The following TENM4 variants were observed in gnomAD, a reference collection of about 807,000 sequenced individuals.
The protein encoded by TENM4 is teneurin-4.
A neutral mutation model predicts 243.3 loss-of-function variants in TENM4; 82 were observed. That is an observed-to-expected ratio of 0.34 (90% CI 0.28 to 0.40). TENM4 has a LOEUF of 0.40. Among genes scored for constraint, TENM4 ranks in the 10% least tolerant of loss-of-function variants. TENM4 has a pLI of 1.00. For missense variants in TENM4, 3,138 were observed against 3,673.3 expected (o/e 0.85, Z 3.77); for synonymous variants, 1,412 against 1,456.3 (o/e 0.97, Z 0.69).
At chr11:78,803,703 C>T (rs757396074) in intron 15 of TENM4, among the ~76,000 whole-genome samples, 13 of 152,186 alleles carry the variant, frequency 8.5e-5, no homozygotes, top group Non-Finnish European at 1.2e-4. Flanking sequence ...CAAAGTTATA[C>T]GTACCTCCTC....
At chr11:79,108,713 A>G (rs1005810995) in intron 4 of TENM4, among the ~76,000 whole-genome samples, 1 of 152,182 alleles carries the variant, frequency 6.6e-6, no homozygotes, top group Non-Finnish European at 1.5e-5. Context: ...TTGAAAAAAG[A>G]TAAAAATATT....
At chr11:78,786,794 C>T in intron 16 of TENM4, 104 bp downstream of exon 16, 1 of 1,466,950 alleles carries the variant, frequency 6.8e-7, no homozygotes. Context: ...CTTTCTTCCC[C>T]ATCCCCACAT....
intron 2 of TENM4, among the ~76,000 whole-genome samples, chr11:79,293,521 G>GA (rs11337863): frequency 6.7e-4 from 96 of 144,070 alleles, no homozygotes; most frequent in African/African-American, 2.2e-3. Flanking sequence ...AAAAAAAAAA[G>GA]AAAAAAAAAA....
intron 1 of TENM4, among the ~76,000 whole-genome samples, chr11:79,403,485 A>C (rs1858503533): frequency 6.6e-6 from 1 of 152,136 alleles, no homozygotes. Flanking sequence ...TAAGGAAGGG[A>C]CCAAAAGGGG....
intron 4 of TENM4, among the ~76,000 whole-genome samples, chr11:79,084,158 C>T (rs1484884356): frequency 4.6e-5 from 7 of 152,094 alleles, no homozygotes; most frequent in Admixed American, 4.6e-4. Context: ...CAAATTAAAC[C>T]ACAGTGAGCT....
chr11:78,919,873 A>T (rs963303059), intron 6 of TENM4, among the ~76,000 whole-genome samples: 9 of 152,058 alleles, frequency 5.9e-5, no homozygotes, highest in Non-Finnish European at 1.3e-4. Flanking sequence ...TGAGGTTAGA[A>T]CTCAACTCAG....
At chr11:79,298,521 CAAAAAAAAAAAAAAAAAA>C (rs61373828) in intron 1 of TENM4, among the ~76,000 whole-genome samples, 3 of 17,256 alleles carry the variant, frequency 1.7e-4, no homozygotes, top group African/African-American at 3.8e-4. Flanking sequence ...GACTCCGTCT[CAAAAAAAAAAAAAAAAAA>C]AAAAAAAAAG....
chr11:78,825,965 TTC>T (rs1857838417), intron 12 of TENM4, among the ~76,000 whole-genome samples: 1 of 151,948 alleles, frequency 6.6e-6, no homozygotes, highest in Non-Finnish European at 1.5e-5. Flanking sequence ...AAGAAACAGG[TTC>T]TGAGGAAGTG....
chr11:79,217,277 A>C (rs1864069591), intron 2 of TENM4, among the ~76,000 whole-genome samples: 1 of 152,098 alleles, frequency 6.6e-6, no homozygotes, highest in African/African-American at 2.4e-5. Context: ...GCCCTCAAAG[A>C]CTCAAGGTCC....
Position 78,698,807 on chromosome 11 carries a change from G to A in TENM4, c.5087+2719C>T, listed in dbSNP as rs191155118. On this transcript the variant is annotated intron_variant, in intron 28 of 33. Transcript: ENST00000278550. ...CAGCTAGCCTGTCCCTGAGTCACAT[G>A]GCTCGCAGCCAGTGAAAATAGGTGT... Among the ~76,000 whole-genome samples, 653 of 152,336 alleles carry A rather than the reference G, an allele frequency of 4.3e-3. 13 individuals carry two copies. The highest frequency in any genetic ancestry group is 9.3e-4 in the Non-Finnish European group (63 of 68,026).
At chr11:79,091,598 C>T (rs961282603) in intron 4 of TENM4, among the ~76,000 whole-genome samples, 30 of 152,058 alleles carry the variant, frequency 2.0e-4, no homozygotes, top group Non-Finnish European at 2.6e-4. Context: ...CTAGTAGCAT[C>T]AGCATTACTA....
intron 1 of TENM4, among the ~76,000 whole-genome samples, chr11:79,435,340 T>G (rs970416255): frequency 6.6e-6 from 1 of 152,242 alleles, no homozygotes; most frequent in African/African-American, 2.4e-5. Context: ...GATCCATGTT[T>G]GCTTGGCTCC....
At chr11:79,143,008 T>C (rs1591312816) in intron 4 of TENM4, among the ~76,000 whole-genome samples, 1 of 152,036 alleles carries the variant, frequency 6.6e-6, no homozygotes, top group South Asian at 2.1e-4. Context: ...ATGGTGATCA[T>C]TAAAAAGTCA....
At chr11:79,037,296 C>T (rs1367844155) in intron 6 of TENM4, among the ~76,000 whole-genome samples, 1 of 152,228 alleles carries the variant, frequency 6.6e-6, no homozygotes, top group Admixed American at 6.5e-5. Flanking sequence ...TTTCATCCAG[C>T]ACAGTTCTTA....
intron 6 of TENM4, among the ~76,000 whole-genome samples, chr11:78,908,157 C>A (rs1035717847): frequency 6.6e-6 from 1 of 152,172 alleles, no homozygotes; most frequent in Non-Finnish European, 1.5e-5. Context: ...CTGGGCAGAG[C>A]CGTATGTAAG....
intron 4 of TENM4, among the ~76,000 whole-genome samples, chr11:79,104,053 C>T (rs756403094): frequency 4.0e-4 from 61 of 152,254 alleles, no homozygotes; most frequent in Non-Finnish European, 7.6e-4. Flanking sequence ...GTCTCTCTTC[C>T]CTATTTTTCT....
intron 12 of TENM4, among the ~76,000 whole-genome samples, chr11:78,830,136 G>A (rs1269246356): frequency 6.6e-6 from 1 of 152,188 alleles, no homozygotes; most frequent in Admixed American, 6.5e-5. Flanking sequence ...ACATTTTACA[G>A]ACATTACTCC....
chr11:78,945,638 G>A (rs1447791428), intron 6 of TENM4, among the ~76,000 whole-genome samples: 1 of 152,188 alleles, frequency 6.6e-6, no homozygotes, highest in African/African-American at 2.4e-5. Context: ...CAGGCTGAAG[G>A]CTAGGTCTCT....
chr11:79,211,079 G>A (rs1327841152), intron 3 of TENM4, among the ~76,000 whole-genome samples: 1 of 152,146 alleles, frequency 6.6e-6, no homozygotes, highest in Non-Finnish European at 1.5e-5. Context: ...CCAGGGTTCT[G>A]GGTGAGGTGG....
Sources: allele counts gnomAD v4.1 joint callset (sites outside exome capture counted in the v4.1 genomes callset), GRCh38; gene constraint gnomAD v4.1.1; transcripts MANE v1.5; gene names NCBI Gene and HGNC (gene_info 2026-07-23, HGNC 2026-07-21).